Variants in NRG1 observed in about 807,000 individuals in gnomAD.
NRG1 encodes the protein pro-neuregulin-1, membrane-bound isoform.
A neutral mutation model predicts 63.8 loss-of-function variants in NRG1; 18 were observed. That is an observed-to-expected ratio of 0.28 (90% CI 0.19 to 0.42). The LOEUF (loss-of-function observed/expected upper bound fraction) is 0.42, where lower values mean the gene tolerates loss of function less well. NRG1 is among the 10% of genes least tolerant of loss of function. The pLI is 1.00. For missense variants in NRG1, 762 were observed against 814.7 expected, an observed-to-expected ratio of 0.94 and a Z score of 0.79; for synonymous variants, 302 against 301.3, an observed-to-expected ratio of 1.00 and a Z score of -0.02.
At chr8:32,579,826 G>A (rs961860125) in intron 1 of NRG1, among the ~76,000 whole-genome samples, 6 of 152,156 alleles carry the variant, frequency 3.9e-5, no homozygotes, top group Non-Finnish European at 8.8e-5. Flanking sequence ...AGAATTCTGT[G>A]AGGAGTGTCA....
chr8:31,940,968 A>G (rs932878103), intron 1 of NRG1, among the ~76,000 whole-genome samples: 1 of 152,198 alleles, frequency 6.6e-6, no homozygotes, highest in African/African-American at 2.4e-5. Flanking sequence ...ATTCTATCAG[A>G]CATTCAAAGA....
intron 5 of NRG1, among the ~76,000 whole-genome samples, chr8:32,690,158 T>A (rs1482575316): frequency 1.3e-5 from 2 of 152,164 alleles, no homozygotes; most frequent in Non-Finnish European, 2.9e-5. Flanking sequence ...TCTCAATGCT[T>A]TTGAAATTCA....
intron 1 of NRG1, among the ~76,000 whole-genome samples, chr8:32,353,047 GAATTTTTAAAATTTACA>G (rs1805848892): frequency 1.3e-5 from 2 of 150,258 alleles, no homozygotes; most frequent in Non-Finnish European, 3.0e-5. Context: ...AAAAAAGAAT[GAATTTTTAAAATTTACA>G]AATTTCTGAA....
chr8:32,735,928 C>T (rs1214774386), intron 6 of NRG1, among the ~76,000 whole-genome samples: 1 of 151,746 alleles, frequency 6.6e-6, no homozygotes, highest in Non-Finnish European at 1.5e-5. Flanking sequence ...GTTTTTTTCT[C>T]AGCATTTACC....
chr8:31,863,348 A>G (rs749190120), intron 1 of NRG1, among the ~76,000 whole-genome samples: 7 of 152,344 alleles, frequency 4.6e-5, no homozygotes, highest in South Asian at 2.1e-4. Flanking sequence ...TGAAAGTAGC[A>G]GTAAGTTTTA....
At chr8:31,809,453 G>T (rs1822637582) in intron 1 of NRG1, among the ~76,000 whole-genome samples, 1 of 148,404 alleles carries the variant, frequency 6.7e-6, no homozygotes. Flanking sequence ...TAGGATTTCT[G>T]TTTCTGTTCT....
At chr8:31,867,994 T>G (rs540958309) in intron 1 of NRG1, among the ~76,000 whole-genome samples, 1 of 152,112 alleles carries the variant, frequency 6.6e-6, no homozygotes, top group Non-Finnish European at 1.5e-5. Context: ...TTGCCTGAAA[T>G]GACTATTTTG....
chr8:32,296,986 G>A (rs1038180807), intron 1 of NRG1, among the ~76,000 whole-genome samples: 4 of 151,894 alleles, frequency 2.6e-5, no homozygotes, highest in South Asian at 2.1e-4. Context: ...GTGGTGGCCC[G>A]CACCTGTAGT....
intron 1 of NRG1, among the ~76,000 whole-genome samples, chr8:31,816,134 C>G (rs775560867): frequency 3.3e-5 from 5 of 152,124 alleles, no homozygotes; most frequent in African/African-American, 1.2e-4. Flanking sequence ...GTCACAGTAC[C>G]TGTAATGATT....
intron 1 of NRG1, among the ~76,000 whole-genome samples, chr8:32,383,813 G>A (rs1051441866): frequency 4.6e-5 from 7 of 152,244 alleles, no homozygotes; most frequent in African/African-American, 1.7e-4. Context: ...TTAGATGTCA[G>A]CTATTTGCCA....
chr8:32,658,922 A>G (rs1802153126), intron 5 of NRG1, among the ~76,000 whole-genome samples: 1 of 152,120 alleles, frequency 6.6e-6, no homozygotes, highest in Non-Finnish European at 1.5e-5. Context: ...TTGGTGACAT[A>G]TTTTGCTTAT....
intron 1 of NRG1, among the ~76,000 whole-genome samples, chr8:32,385,923 AT>A (rs1423870248): frequency 6.6e-6 from 1 of 152,240 alleles, no homozygotes; most frequent in Admixed American, 6.5e-5. Flanking sequence ...GTAAAATGCC[AT>A]TAATTGCAAA....
intron 1 of NRG1, among the ~76,000 whole-genome samples, chr8:31,761,634 A>G (rs1232102217): frequency 3.3e-5 from 5 of 152,150 alleles, no homozygotes; most frequent in Non-Finnish European, 7.3e-5. Flanking sequence ...TTTGTGGAGC[A>G]GTTAGAACAC....
chr8:32,609,662 CTTTTTTTT>C (rs752378599), intron 3 of NRG1, among the ~76,000 whole-genome samples: 6 of 99,504 alleles, frequency 6.0e-5, no homozygotes, highest in African/African-American at 2.3e-4. Context: ...TCTCTCTTTC[CTTTTTTTT>C]TTTTTTTTTT....
chr8:32,604,401 G>C (rs936256867), intron 2 of NRG1, among the ~76,000 whole-genome samples: 4 of 152,160 alleles, frequency 2.6e-5, no homozygotes, highest in African/African-American at 4.8e-5. Flanking sequence ...TGTGTGACAA[G>C]AAGACCAGAA....
At chr8:32,486,411 A>G (rs1442018729) in intron 1 of NRG1, among the ~76,000 whole-genome samples, 2 of 152,152 alleles carry the variant, frequency 1.3e-5, no homozygotes, top group African/African-American at 4.8e-5. Context: ...AACTCTACTT[A>G]CGCCACCCAG....
At chr8:32,081,869 G>A (rs1372029737) in intron 1 of NRG1, among the ~76,000 whole-genome samples, 1 of 152,010 alleles carries the variant, frequency 6.6e-6, no homozygotes, top group Non-Finnish European at 1.5e-5. Flanking sequence ...CAACCCAGGA[G>A]GCTCTTTGAT....
rs189533795 is a variant in NRG1, at chr8:32,622,038, C to T, written c.502+5153C>T. 2.0e-3 allele frequency among the ~76,000 whole-genome samples: 301 copies of T among 152,250 alleles called. 2 individuals are homozygous for T. Among genetic ancestry groups the T allele is most frequent in the Non-Finnish European group, 3.5e-3 (236 of 68,024 alleles). ...GTACCCAAGTGATCTTCATGTTACACGTCAAAGCATGGCAGGTGAATGAAA... is the reference window on the plus strand; with the variant it reads ...GTACCCAAGTGATCTTCATGTTACATGTCAAAGCATGGCAGGTGAATGAAA... On this transcript the variant is annotated intron_variant, in intron 5 of 11. Transcript: ENST00000356819.
At chr8:32,352,963 C>G (rs1627277) in intron 1 of NRG1, among the ~76,000 whole-genome samples, 124,079 of 148,448 alleles carry the variant, frequency 0.84, 52,059 homozygotes, top group Middle Eastern at 0.9. Context: ...TATATATATA[C>G]AGAGAGAGAG....
Sources: gnomAD v4.1 joint callset for allele counts (sites outside exome capture counted in the v4.1 genomes callset) on GRCh38, gnomAD v4.1.1 for gene constraint, MANE v1.5 for transcripts, NCBI Gene and HGNC (gene_info 2026-07-23, HGNC 2026-07-21) for gene names.